CACNA2D1: variants seen among roughly 807,000 people sequenced by gnomAD.
The protein encoded by CACNA2D1 is calcium voltage-gated channel auxiliary subunit alpha2delta 1.
CACNA2D1 carries 53 observed loss-of-function variants against 171.5 expected under a neutral mutation model. That is an observed-to-expected ratio of 0.31 (90% CI 0.25 to 0.39). The LOEUF (loss-of-function observed/expected upper bound fraction) is 0.39. CACNA2D1 is among the 10% of genes least tolerant of loss of function. The pLI, the probability that CACNA2D1 is intolerant of heterozygous loss-of-function variation, is 1.00. For synonymous variants in CACNA2D1, 442 were observed against 443.1 expected (o/e 1.00, Z 0.03); for missense variants, 903 against 1,299.8 (o/e 0.69, Z 4.69).
At position 82,430,038 on chromosome 7, in the gene CACNA2D1, AG is replaced by A. The variant is rs3837132; in HGVS notation, c.95+13326del. On this transcript the variant is annotated intron_variant, in intron 1 of 38. Coordinates refer to ENST00000356860, the MANE Select transcript of CACNA2D1 (RefSeq NM_000722.4). ...TCTAATAAAATGTCATGACAAAGAC[AG>A]GGTGGTATTTTTAAAGTGACAAACT... is the stretch of plus-strand genomic sequence containing the variant. Among the ~76,000 whole-genome samples, 12 of 152,320 alleles carry A rather than the reference AG, an allele frequency of 7.9e-5. No individual in the cohort carries two copies. In the East Asian group the frequency reaches 2.3e-3, roughly 29 times the overall value.
chr7:82,178,587 T>C (rs1796797618), intron 3 of CACNA2D1, among the ~76,000 whole-genome samples: 1 of 152,072 alleles, frequency 6.6e-6, no homozygotes, highest in African/African-American at 2.4e-5. Flanking sequence ...TTCCTGAAAA[T>C]CTACGTTTAA....
chr7:82,126,640 G>C (rs925248060), intron 5 of CACNA2D1, among the ~76,000 whole-genome samples: 1 of 152,156 alleles, frequency 6.6e-6, no homozygotes, highest in African/African-American at 2.4e-5. Context: ...CTTGAAACTT[G>C]TATTTATCTT....
At chr7:82,232,166 C>T (rs1188199796) in intron 3 of CACNA2D1, among the ~76,000 whole-genome samples, 1 of 152,084 alleles carries the variant, frequency 6.6e-6, no homozygotes, top group Non-Finnish European at 1.5e-5. Context: ...AACAAATTTA[C>T]TTTCCAAAAT....
chr7:82,422,271 C>G (rs1563531080), intron 1 of CACNA2D1, among the ~76,000 whole-genome samples: 1 of 152,152 alleles, frequency 6.6e-6, no homozygotes, highest in Non-Finnish European at 1.5e-5. Context: ...CAGCAGCTAT[C>G]TCTTAGAATC....
intron 2 of CACNA2D1, among the ~76,000 whole-genome samples, chr7:82,344,140 A>G (rs1818989826): frequency 6.6e-6 from 1 of 152,358 alleles, no homozygotes; most frequent in African/African-American, 2.4e-5. Context: ...TAGGATGTTT[A>G]AAAGCCTCAT....
chr7:82,066,827 A>T (rs1348303579), intron 7 of CACNA2D1, among the ~76,000 whole-genome samples: 1 of 152,078 alleles, frequency 6.6e-6, no homozygotes, highest in African/African-American at 2.4e-5. Context: ...CAGAGGTTAT[A>T]ATTTTTTTCC....
At chr7:81,986,356 TTTAA>T (rs150899848) in intron 21 of CACNA2D1, among the ~76,000 whole-genome samples, 3,343 of 147,638 alleles carry the variant, frequency 0.023, 120 homozygotes, top group African/African-American at 0.077. Flanking sequence ...GTGTAGATCC[TTTAA>T]TTAATTAATT....
At chr7:82,069,242 T>C (rs776850115) in intron 7 of CACNA2D1, among the ~76,000 whole-genome samples, 1 of 152,122 alleles carries the variant, frequency 6.6e-6, no homozygotes, top group Non-Finnish European at 1.5e-5. Context: ...TTCCCTGAAA[T>C]AATCAGTTTC....
At chr7:82,332,508 T>TA (rs1238319833) in intron 3 of CACNA2D1, among the ~76,000 whole-genome samples, 3 of 34,602 alleles carry the variant, frequency 8.7e-5, no homozygotes, top group African/African-American at 1.5e-4. Flanking sequence ...AAAAAAGAAA[T>TA]ATAAAGAAAG....
intron 21 of CACNA2D1, among the ~76,000 whole-genome samples, chr7:81,987,269 T>C (rs1797067144): frequency 6.6e-6 from 1 of 152,160 alleles, no homozygotes; most frequent in South Asian, 2.1e-4. Flanking sequence ...TAGTCAATGG[T>C]GCTGTCATAT....
chr7:82,372,793 G>A (rs1365554295), intron 1 of CACNA2D1, among the ~76,000 whole-genome samples: 4 of 152,092 alleles, frequency 2.6e-5, no homozygotes, highest in Non-Finnish European at 5.9e-5. Flanking sequence ...GGATGATTAA[G>A]TATTACTATG....
chr7:82,431,719 G>T (rs1245319277), intron 1 of CACNA2D1, among the ~76,000 whole-genome samples: 1 of 151,988 alleles, frequency 6.6e-6, no homozygotes, highest in African/African-American at 2.4e-5. Context: ...ACTTATCTCC[G>T]AGGATTGCCT....
intron 3 of CACNA2D1, among the ~76,000 whole-genome samples, chr7:82,306,571 A>G (rs975337817): frequency 2.6e-5 from 4 of 152,204 alleles, no homozygotes; most frequent in African/African-American, 9.6e-5. Flanking sequence ...CAAATTTCTG[A>G]GAGACTGGAG....
chr7:82,282,678 T>C (rs984942305), intron 3 of CACNA2D1, among the ~76,000 whole-genome samples: 1 of 142,690 alleles, frequency 7.0e-6, no homozygotes, highest in African/African-American at 2.7e-5. Flanking sequence ...TTAAACAAAG[T>C]GTTGTGTAAA....
chr7:82,393,237 A>G (rs1027037157), intron 1 of CACNA2D1, among the ~76,000 whole-genome samples: 5 of 152,262 alleles, frequency 3.3e-5, no homozygotes, highest in East Asian at 3.9e-4. Flanking sequence ...GTAGCTATAT[A>G]CAAACATGTA....
At chr7:82,261,236 T>A (rs1807056614) in intron 3 of CACNA2D1, among the ~76,000 whole-genome samples, 1 of 152,244 alleles carries the variant, frequency 6.6e-6, no homozygotes, top group Admixed American at 6.5e-5. Context: ...ATTATAGGCA[T>A]GGGCCGCCGC....
At chr7:82,393,791 A>C (rs1363918896) in intron 1 of CACNA2D1, among the ~76,000 whole-genome samples, 1 of 152,226 alleles carries the variant, frequency 6.6e-6, no homozygotes, top group Non-Finnish European at 1.5e-5. Context: ...CGAAAATTTA[A>C]AATCATCAAA....
chr7:82,154,173 A>G (rs1260657185), intron 4 of CACNA2D1, among the ~76,000 whole-genome samples: 1 of 152,222 alleles, frequency 6.6e-6, no homozygotes, highest in African/African-American at 2.4e-5. Flanking sequence ...GCTTCACATA[A>G]CGTCTGTGTG....
intron 3 of CACNA2D1, among the ~76,000 whole-genome samples, chr7:82,185,470 AGGGGG>A (rs1190587135): frequency 1.9e-5 from 1 of 51,918 alleles, no homozygotes; most frequent in Non-Finnish European, 4.1e-5. Flanking sequence ...CAAAAAAGAG[AGGGGG>A]GGAGGGGGAG....
Sources: allele counts gnomAD v4.1 joint callset (sites outside exome capture counted in the v4.1 genomes callset), GRCh38; gene constraint gnomAD v4.1.1; transcripts MANE v1.5; gene names NCBI Gene and HGNC (gene_info 2026-07-23, HGNC 2026-07-21).